Variants in LYST observed in about 807,000 individuals in gnomAD.
The protein encoded by LYST is lysosomal-trafficking regulator.
In LYST, 192 loss-of-function variants were observed where a neutral mutation model predicts 413.6. That is an observed-to-expected ratio of 0.46 (90% confidence interval 0.41 to 0.52). The LOEUF is 0.52. Among genes scored for constraint, LYST ranks in the 20% least tolerant of loss-of-function variants. The pLI is 0.00. For missense variants in LYST, 3,815 were observed against 4,499.9 expected (o/e 0.85, Z 4.35); for synonymous variants, 1,525 against 1,567.3 (o/e 0.97, Z 0.64).
rs12078019 is a variant in LYST at position 235,792,289 on chromosome 1, G to A, written c.4117-164C>T. Reference sequence around the variant, plus strand: ...ACATCTTTAAAACTTTCATTTTCTCGTAGCTGAGATAAAATATGAAACAGA... The same window carrying A: ...ACATCTTTAAAACTTTCATTTTCTCATAGCTGAGATAAAATATGAAACAGA... On this transcript the variant is annotated intron_variant, in intron 11 of 52. Coordinates refer to ENST00000389793, the MANE Select transcript of LYST (RefSeq NM_000081.4). 0.069 allele frequency among the ~76,000 whole-genome samples: 10,422 copies of A among 151,586 alleles called. 1,090 individuals carry two copies. Among genetic ancestry groups the A allele is most frequent in the African/African-American group, 0.22 (9,195 of 41,286 alleles).
intron 14 of LYST, among the ~76,000 whole-genome samples, chr1:235,783,914 C>T (rs1670137912): frequency 6.7e-6 from 1 of 150,322 alleles, no homozygotes; most frequent in South Asian, 2.1e-4. Context: ...GGGTCTCGCT[C>T]TGTCACCCAG....
At chr1:235,701,971 A>G (rs1056932407) in intron 45 of LYST, among the ~76,000 whole-genome samples, 1 of 152,206 alleles carries the variant, frequency 6.6e-6, no homozygotes, top group Non-Finnish European at 1.5e-5. Flanking sequence ...GTAGGTGTGT[A>G]AAAACCTTTT....
intron 1 of LYST, among the ~76,000 whole-genome samples, chr1:235,860,594 G>C (rs56129001): frequency 6.6e-6 from 1 of 152,102 alleles, no homozygotes; most frequent in Non-Finnish European, 1.5e-5. Flanking sequence ...AAAGTATGCA[G>C]ACTTTTCAGT....
chr1:235,809,144 C>T lies in LYST; in HGVS notation c.1674G>A (p.Leu558=), dbSNP rs149520131. The T allele has an allele frequency of 3.3e-5, 53 of 1,613,902 alleles. No individual in the cohort carries two copies. The African/African-American group carries it at 6.3e-4, about 19-fold the overall frequency. Residue 558 remains leucine, a synonymous_variant, in exon 5 of 53, where the codon TTG becomes TTA. Transcript: ENST00000389793. This position sits in a 1 kb window ranked among gnomAD's most constrained non-coding sequence, Gnocchi z 4.0. ...TCAAGGAAGCCTGCTGTAGTAAGCG[C>T]AAGCACTGATGGGCACACACTGCAA... is the stretch of plus-strand genomic sequence containing the variant. ...CCIAVCAHQC[L]RLLQQASLSS...
intron 40 of LYST, among the ~76,000 whole-genome samples, chr1:235,717,142 T>C (rs1662914360): frequency 6.6e-6 from 1 of 152,188 alleles, no homozygotes; most frequent in Non-Finnish European, 1.5e-5. Flanking sequence ...GTGTCCCATT[T>C]TCCAGACTCT....
At chr1:235,816,464 T>A (rs1481930513) in intron 3 of LYST, among the ~76,000 whole-genome samples, 3,316 of 104,296 alleles carry the variant, frequency 0.032, 133 homozygotes, top group African/African-American at 0.15. Context: ...AAATAAAAAA[T>A]AAAAATAAAA....
At chr1:235,736,959 T>C (rs1009893354) in intron 31 of LYST, 6 of 152,042 alleles carry the variant, frequency 3.9e-5, no homozygotes, top group African/African-American at 1.2e-4. Context: ...TTTAGAACCA[T>C]GTAGACATTT....
intron 23 of LYST, among the ~76,000 whole-genome samples, chr1:235,758,034 G>A (rs910824863): frequency 5.9e-5 from 9 of 152,142 alleles, no homozygotes; most frequent in Non-Finnish European, 1.0e-4. Flanking sequence ...AACCAAGTGT[G>A]AAAATAAAAC....
intron 39 of LYST, among the ~76,000 whole-genome samples, chr1:235,722,225 G>A (rs1341529901): frequency 1.3e-5 from 2 of 152,204 alleles, no homozygotes; most frequent in Non-Finnish European, 2.9e-5. Context: ...CAAGGTACGA[G>A]ATTATCCAGG....
chr1:235,875,665 G>A (rs1384145446), intron 1 of LYST, among the ~76,000 whole-genome samples: 1 of 152,066 alleles, frequency 6.6e-6, no homozygotes, highest in Admixed American at 6.6e-5. Flanking sequence ...GGGCAACATG[G>A]CAAGACCCTA....
At chr1:235,841,005 A>C (rs1677138448) in intron 1 of LYST, among the ~76,000 whole-genome samples, 2 of 152,206 alleles carry the variant, frequency 1.3e-5, no homozygotes, top group Non-Finnish European at 2.9e-5. Context: ...AGAAGAACTG[A>C]GGCACGTGTG....
At chr1:235,762,335 T>C (rs1284463289) in intron 22 of LYST, among the ~76,000 whole-genome samples, 1 of 152,070 alleles carries the variant, frequency 6.6e-6, no homozygotes, top group Non-Finnish European at 1.5e-5. Flanking sequence ...TAAGACAAAG[T>C]AGAGAAAAGG....
At chr1:235,776,881 A>C (rs1368323850) in intron 17 of LYST, among the ~76,000 whole-genome samples, 182 bp downstream of exon 17, 1 of 152,186 alleles carries the variant, frequency 6.6e-6, no homozygotes, top group Non-Finnish European at 1.5e-5. Context: ...TTCATAAATT[A>C]GAAGAAACCT....
intron 1 of LYST, among the ~76,000 whole-genome samples, chr1:235,875,808 T>C (rs1681108850): frequency 6.6e-6 from 1 of 152,116 alleles, no homozygotes; most frequent in Admixed American, 6.5e-5. Context: ...TACTCAAGCC[T>C]GGGTGACAGA....
rs74641549 is a variant in LYST, at chr1:235,800,337, T to C, written c.3989A>G (p.Asp1330Gly). ...LGGFLSILTQ[D>G]DSDFQACQRV... ...CAACTTACCTTGAAAATCAGAATCATCCTGTGTTAAAATACTCAAGAACCC... is the reference window on the plus strand; with the variant it reads ...CAACTTACCTTGAAAATCAGAATCACCCTGTGTTAAAATACTCAAGAACCC... The change falls in exon 10 of 53, where the codon GAT becomes GGT. Residue 1330 changes from aspartate (D) to glycine (G), a missense_variant. Around this residue, in one of 4 missense-constraint regions of LYST, gnomAD observed 1,648 missense variants for 1,810.3 expected, o/e 0.91. Coordinates refer to ENST00000389793, the MANE Select transcript of LYST (RefSeq NM_000081.4). 18 of 1,587,454 alleles carry C rather than the reference T, an allele frequency of 1.1e-5. No homozygotes were observed. The highest frequency in any genetic ancestry group is 1.6e-5 in the Non-Finnish European group (18 of 1,156,272).
intron 34 of LYST, among the ~76,000 whole-genome samples, chr1:235,731,714 C>G (rs1405965142): frequency 6.6e-6 from 1 of 151,866 alleles, no homozygotes; most frequent in Non-Finnish European, 1.5e-5. Context: ...TCCCACCACA[C>G]CTGGCTAATT....
At chr1:235,738,576 C>A (rs777729531) in intron 31 of LYST, 21 of 1,610,282 alleles carry the variant, frequency 1.3e-5, no homozygotes, top group Non-Finnish European at 1.8e-5. Flanking sequence ...CCTTGGGGAA[C>A]ATGGAGATTC....
intron 1 of LYST, among the ~76,000 whole-genome samples, chr1:235,872,831 G>A (rs188926409): frequency 5.3e-5 from 8 of 152,234 alleles, no homozygotes; most frequent in African/African-American, 1.4e-4. Context: ...CAGGAGAATC[G>A]CTTGAACCTG....
intron 31 of LYST, among the ~76,000 whole-genome samples, chr1:235,740,914 A>C (rs1327081235): frequency 6.6e-6 from 1 of 152,210 alleles, no homozygotes; most frequent in Non-Finnish European, 1.5e-5. Context: ...TGTACCTTTT[A>C]AACTTTCCAA....
Sources: gnomAD v4.1 joint callset for allele counts (sites outside exome capture counted in the v4.1 genomes callset) on GRCh38, gnomAD v4.1.1 for gene constraint, gnomAD v4.1.1 regional missense constraint, Gnocchi (gnomAD v3.1) non-coding constraint, MANE v1.5 for transcripts, NCBI Gene and HGNC (gene_info 2026-07-23, HGNC 2026-07-21) for gene names.